Variants in PRKN observed in about 807,000 individuals in gnomAD.
PRKN encodes E3 ubiquitin-protein ligase parkin.
Under a neutral mutation model 59.5 loss-of-function variants are expected in PRKN, and 56 were observed. The observed-to-expected ratio is 0.94, with a 90% CI of 0.76 to 1.18. The LOEUF is 1.18. Among genes scored for constraint, PRKN ranks in the 50% most tolerant of loss-of-function variants. The probability of loss-of-function intolerance (pLI) is 0.00; values close to 1 mark genes in which losing one functional copy is unlikely to be tolerated. For missense variants in PRKN, 657 were observed against 596.4 expected (o/e 1.10, Z -1.06); for synonymous variants, 250 against 222.1 (o/e 1.13, Z -1.12).
chr6:162,322,640 A>G (rs550758416), intron 2 of PRKN, among the ~76,000 whole-genome samples: 1 of 152,198 alleles, frequency 6.6e-6, no homozygotes, highest in Non-Finnish European at 1.5e-5. Context: ...TATGTTGACC[A>G]TTGAGCTTTT....
intron 7 of PRKN, among the ~76,000 whole-genome samples, chr6:161,594,269 C>A (rs561489264): frequency 1.2e-4 from 18 of 152,320 alleles, no homozygotes; most frequent in African/African-American, 4.3e-4. Context: ...ATTGGTTCAT[C>A]AATTTTCTGT....
chr6:162,486,887 T>C (rs956645277), intron 1 of PRKN, among the ~76,000 whole-genome samples: 2 of 152,082 alleles, frequency 1.3e-5, no homozygotes, highest in African/African-American at 4.8e-5. Context: ...CTGACCAACA[T>C]GGTGAAATCC....
chr6:162,001,358 G>A (rs909032255), intron 5 of PRKN, among the ~76,000 whole-genome samples: 3 of 151,886 alleles, frequency 2.0e-5, no homozygotes, highest in Non-Finnish European at 4.4e-5. Context: ...GGACAGTTTT[G>A]TTAGTTTACC....
chr6:162,339,553 G>C (rs1243232491), intron 2 of PRKN, among the ~76,000 whole-genome samples: 1 of 147,036 alleles, frequency 6.8e-6, no homozygotes, highest in African/African-American at 2.5e-5. Flanking sequence ...CGCCCCGTCC[G>C]GGAGGTGAGG....
At chr6:161,733,804 A>ATATATATG (rs1554298530) in intron 7 of PRKN, among the ~76,000 whole-genome samples, 2,455 of 128,928 alleles carry the variant, frequency 0.019, 120 homozygotes, top group African/African-American at 0.09. Flanking sequence ...ATATGTATAT[A>ATATATATG]TATATATATA....
At chr6:161,688,586 G>A (rs1437465098) in intron 7 of PRKN, among the ~76,000 whole-genome samples, 1 of 152,218 alleles carries the variant, frequency 6.6e-6, no homozygotes, top group African/African-American at 2.4e-5. Flanking sequence ...CTTCTAGTGA[G>A]TCTTTGTGGA....
At chr6:161,835,081 C>G (rs1562326394) in intron 6 of PRKN, among the ~76,000 whole-genome samples, 1 of 152,204 alleles carries the variant, frequency 6.6e-6, no homozygotes, top group Non-Finnish European at 1.5e-5. Context: ...TTCACTAATT[C>G]TTTCTCCCCT....
At chr6:162,448,049 A>T (rs1461669944) in intron 1 of PRKN, among the ~76,000 whole-genome samples, 1 of 152,186 alleles carries the variant, frequency 6.6e-6, no homozygotes, top group Non-Finnish European at 1.5e-5. Context: ...ATCACAGCCC[A>T]AGATAGACCA....
chr6:161,870,327 G>A (rs1031254186), intron 6 of PRKN, among the ~76,000 whole-genome samples: 1 of 152,170 alleles, frequency 6.6e-6, no homozygotes, highest in Non-Finnish European at 1.5e-5. Flanking sequence ...CGGATGTCAA[G>A]TGCTGTGGGT....
chr6:162,559,150 C>CAAA (rs67508754), intron 1 of PRKN, among the ~76,000 whole-genome samples: 38,972 of 101,630 alleles, frequency 0.38, 8,007 homozygotes, highest in African/African-American at 0.54. Flanking sequence ...GATTCCGTCT[C>CAAA]AAAAAAAAAA....
At chr6:161,940,349 A>G (rs1724903593) in intron 6 of PRKN, among the ~76,000 whole-genome samples, 1 of 152,210 alleles carries the variant, frequency 6.6e-6, no homozygotes, top group African/African-American at 2.4e-5. Flanking sequence ...CACAAAGGAA[A>G]AGAAAGAGGA....
chr6:161,794,373 G>A (rs976179232), intron 6 of PRKN, among the ~76,000 whole-genome samples: 2 of 152,026 alleles, frequency 1.3e-5, no homozygotes, highest in African/African-American at 4.8e-5. Flanking sequence ...GAGTGTTGGC[G>A]GAGTCTGAAT....
chr6:162,179,968 C>CTCTGTGTG (rs564672735), intron 4 of PRKN, among the ~76,000 whole-genome samples: 47 of 139,798 alleles, frequency 3.4e-4, no homozygotes, highest in Non-Finnish European at 7.8e-5. Flanking sequence ...TATCTTATTA[C>CTCTGTGTG]TGTGTGTGTG....
At chr6:162,335,863 G>A (rs1349987738) in intron 2 of PRKN, among the ~76,000 whole-genome samples, 1 of 151,762 alleles carries the variant, frequency 6.6e-6, no homozygotes, top group Non-Finnish European at 1.5e-5. Context: ...AGCAAAGAGA[G>A]GGGCCCTGGG....
intron 6 of PRKN, among the ~76,000 whole-genome samples, chr6:161,961,474 C>A (rs1379442063): frequency 6.6e-6 from 1 of 152,114 alleles, no homozygotes; most frequent in Non-Finnish European, 1.5e-5. Context: ...CTTCAAAGTT[C>A]TGTCTTGGCC....
intron 5 of PRKN, among the ~76,000 whole-genome samples, chr6:162,015,399 T>G (rs1480909649): frequency 6.6e-6 from 1 of 152,168 alleles, no homozygotes; most frequent in Non-Finnish European, 1.5e-5. Flanking sequence ...CAAAGGTAAC[T>G]GCAAAGGGAA....
chr6:161,460,540 C>T lies in PRKN; in HGVS notation c.1084-73663G>A, dbSNP rs1334905151. Among the ~76,000 whole-genome samples the T allele has an allele frequency of 6.6e-6, 1 of 152,080 alleles. No individual in the cohort carries two copies. The highest frequency in any genetic ancestry group is 1.5e-5 in the Non-Finnish European group (1 of 68,012). Reference sequence around the variant, plus strand: ...ACTTGGGTTTGGGGAAGGAGACATGCTGGTAGGTAAGGAGCAATGCTGGGG... The same window carrying T: ...ACTTGGGTTTGGGGAAGGAGACATGTTGGTAGGTAAGGAGCAATGCTGGGG... On this transcript the variant is annotated intron_variant, in intron 9 of 11. Transcript: ENST00000366898. The surrounding 1 kb of genome is among the most constrained non-coding windows in gnomAD (Gnocchi z 5.0).
intron 2 of PRKN, among the ~76,000 whole-genome samples, chr6:162,326,897 A>G (rs1268301979): frequency 6.6e-6 from 1 of 152,220 alleles, no homozygotes; most frequent in Non-Finnish European, 1.5e-5. Flanking sequence ...ATGGTTTAAA[A>G]TCATGTGACT....
chr6:162,510,415 T>TA (rs1777545226), intron 1 of PRKN, among the ~76,000 whole-genome samples: 1 of 152,128 alleles, frequency 6.6e-6, no homozygotes, highest in South Asian at 2.1e-4. Context: ...CACTCCTAGG[T>TA]AAGTCTGGCC....
Sources: allele counts gnomAD v4.1 joint callset (sites outside exome capture counted in the v4.1 genomes callset), GRCh38; gene constraint gnomAD v4.1.1; non-coding constraint Gnocchi (gnomAD v3.1); transcripts MANE v1.5; gene names NCBI Gene and HGNC (gene_info 2026-07-23, HGNC 2026-07-21).